The following CPED1 variants were observed in gnomAD, a reference collection of about 807,000 sequenced individuals.
CPED1 encodes cadherin like and PC-esterase domain containing 1.
A neutral mutation model predicts 128.2 loss-of-function variants in CPED1; 114 were observed. The observed-to-expected ratio is 0.89, with a 90% confidence interval of 0.76 to 1.04. The LOEUF is 1.04. Among genes scored for constraint, CPED1 ranks in the 50% least tolerant of loss-of-function variants. The pLI is 0.00. For synonymous variants in CPED1, 462 were observed against 426.7 expected (o/e 1.08, Z -1.02); for missense variants, 1,211 against 1,207.1 (o/e 1.00, Z -0.05).
chr7:121,145,332 A>G (rs1039656610), intron 16 of CPED1, among the ~76,000 whole-genome samples: 1 of 152,100 alleles, frequency 6.6e-6, no homozygotes, highest in Admixed American at 6.6e-5. Context: ...TTACTGTAAT[A>G]TCAAGAAAAG....
In CPED1 at chr7:121,044,648, C is replaced by CTTTTTTTTTTTTTTTTTT. The variant is rs35159862; in HGVS notation, c.434-2238_434-2237insTTTTTTTTTTTTTTTTTT. Among the ~76,000 whole-genome samples, 28 of 69,516 alleles carry CTTTTTTTTTTTTTTTTTT rather than the reference C, an allele frequency of 4.0e-4. 6 individuals are homozygous for CTTTTTTTTTTTTTTTTTT. Among genetic ancestry groups the CTTTTTTTTTTTTTTTTTT allele is most frequent in the South Asian group, 6.2e-4 (1 of 1,616 alleles). 45.6% of individuals were successfully genotyped at this position (69,516 alleles called of 152,430 possible). A position where few individuals can be genotyped will look rare whatever the true frequency, so the allele number is the denominator to read the frequency against. ...GATTGCTGAGAGCAGTGACTTTCTG[C>CTTTTTTTTTTTTTTTTTT]TCTTTTTTTTTTTTTTTTTTTGCTA... is the stretch of plus-strand genomic sequence containing the variant. On this transcript the variant is annotated intron_variant, in intron 3 of 22. Coordinates refer to ENST00000310396, the MANE Select transcript of CPED1 (RefSeq NM_024913.5).
At position 121,295,659 on chromosome 7, in the gene CPED1, T is replaced by C. The variant is rs1482408297; in HGVS notation, c.*7T>C. The C allele has an allele frequency of 3.7e-6, 6 of 1,611,708 alleles. No homozygotes were observed. The highest frequency in any genetic ancestry group is 3.4e-6 in the Non-Finnish European group (4 of 1,178,224). The stretch of plus-strand genomic sequence containing the variant: ...AAATAAAAGGACTATGTAGGCTCCC[T>C]GCAGGAGAGCTGAATCTGGAGCTGG... On this transcript the variant is annotated 3_prime_UTR_variant, in exon 23 of 23. Transcript: ENST00000310396.
At position 121,174,137 on chromosome 7, in the gene CPED1, A is replaced by T. The variant is rs1796719928; in HGVS notation, c.2055+31996A>T. Among the ~76,000 whole-genome samples, 3 of 152,158 alleles carry T rather than the reference A, an allele frequency of 2.0e-5. No homozygotes were observed. In the South Asian group the frequency reaches 6.2e-4, roughly 32 times the overall value. ...TGGATATTAGACCTTTGTCAGATGC[A>T]TGGTTTGCAAATATTTTCTCCCATT... is the stretch of plus-strand genomic sequence containing the variant. On this transcript the variant is annotated intron_variant, in intron 16 of 22. Coordinates refer to ENST00000310396, the MANE Select transcript of CPED1 (RefSeq NM_024913.5).
At chr7:121,042,224 A>G (rs1378479748) in intron 3 of CPED1, among the ~76,000 whole-genome samples, 1 of 152,164 alleles carries the variant, frequency 6.6e-6, no homozygotes, top group Non-Finnish European at 1.5e-5. Context: ...CCTGCGAGGT[A>G]AGTACTAGCT....
At chr7:121,281,401 G>A (rs931479609) in intron 22 of CPED1, among the ~76,000 whole-genome samples, 4 of 152,144 alleles carry the variant, frequency 2.6e-5, no homozygotes, top group East Asian at 1.9e-4. Flanking sequence ...TTTTTTGTTC[G>A]TTTGGGAAGT....
At chr7:121,080,585 T>C (rs1794260102) in intron 5 of CPED1, among the ~76,000 whole-genome samples, 1 of 152,188 alleles carries the variant, frequency 6.6e-6, no homozygotes, top group East Asian at 1.9e-4. Flanking sequence ...AGTTCGCTGC[T>C]GAGGTGGAGA....
At chr7:121,129,286 T>TGTATATATATATATACAC (rs1563037393) in intron 11 of CPED1, among the ~76,000 whole-genome samples, 5 of 76,598 alleles carry the variant, frequency 6.5e-5, no homozygotes, top group African/African-American at 2.8e-4. Flanking sequence ...TGTGTATATA[T>TGTATATATATATATACAC]GTATATATAT....
chr7:121,107,764 T>C (rs1426257889), intron 7 of CPED1, among the ~76,000 whole-genome samples: 1 of 152,146 alleles, frequency 6.6e-6, no homozygotes, highest in Non-Finnish European at 1.5e-5. Flanking sequence ...GTTTTGAAAC[T>C]TATTAAATGT....
At chr7:121,044,648 C>CTTTTTTTTTTGTTTTTTTTTTT (rs35159862) in intron 3 of CPED1, among the ~76,000 whole-genome samples, 1 of 69,540 alleles carries the variant, frequency 1.4e-5, no homozygotes, top group African/African-American at 5.1e-5. Flanking sequence ...TGACTTTCTG[C>CTTTTTTTTTTGTTTTTTTTTTT]TCTTTTTTTT....
At chr7:121,120,990 A>AC (rs1795371570) in intron 7 of CPED1, among the ~76,000 whole-genome samples, 3 of 150,520 alleles carry the variant, frequency 2.0e-5, no homozygotes, top group African/African-American at 7.4e-5. Flanking sequence ...AAAAAAAACA[A>AC]AAAAACTCAC....
intron 22 of CPED1, among the ~76,000 whole-genome samples, chr7:121,280,142 G>C (rs905638162): frequency 6.6e-6 from 1 of 152,130 alleles, no homozygotes; most frequent in African/African-American, 2.4e-5. Context: ...GTGTGTTAAC[G>C]TCCAATAGAT....
chr7:121,060,364 C>G (rs568505646), intron 4 of CPED1, among the ~76,000 whole-genome samples: 1 of 152,240 alleles, frequency 6.6e-6, no homozygotes, highest in African/African-American at 2.4e-5. Context: ...CTGCAGCCCC[C>G]GGTGCGGGAT....
intron 3 of CPED1, among the ~76,000 whole-genome samples, chr7:121,016,806 A>G (rs956866920): frequency 1.2e-4 from 19 of 152,216 alleles, no homozygotes; most frequent in Admixed American, 1.2e-3. Flanking sequence ...TGATTGTACA[A>G]TATATCTATT....
intron 4 of CPED1, among the ~76,000 whole-genome samples, chr7:121,047,248 C>A (rs1377995350): frequency 6.6e-6 from 1 of 152,200 alleles, no homozygotes; most frequent in Non-Finnish European, 1.5e-5. Context: ...TAGAAGTCTG[C>A]AGCCTATGAA....
At chr7:121,039,268 G>A (rs772083606) in intron 3 of CPED1, among the ~76,000 whole-genome samples, 2 of 151,810 alleles carry the variant, frequency 1.3e-5, no homozygotes, top group African/African-American at 4.8e-5. Context: ...TTATTTAATT[G>A]CCCAGATTGC....
chr7:121,008,069 C>A (rs1287492405), intron 2 of CPED1, among the ~76,000 whole-genome samples: 1 of 151,922 alleles, frequency 6.6e-6, no homozygotes, highest in Non-Finnish European at 1.5e-5. Context: ...TACTGCGATT[C>A]AGGTAGTAAA....
chr7:121,187,039 G>C (rs1325663977), intron 16 of CPED1, among the ~76,000 whole-genome samples: 1 of 152,150 alleles, frequency 6.6e-6, no homozygotes, highest in African/African-American at 2.4e-5. Context: ...GCAATTTTCT[G>C]GGGTACAGTG....
intron 5 of CPED1, among the ~76,000 whole-genome samples, chr7:121,074,306 C>T (rs1033432752): frequency 3.9e-5 from 6 of 152,084 alleles, no homozygotes; most frequent in South Asian, 4.1e-4. Context: ...AAAAGGGGCT[C>T]TTGTCCAGGC....
intron 16 of CPED1, among the ~76,000 whole-genome samples, chr7:121,228,360 CA>C (rs1798063041): frequency 6.6e-6 from 1 of 151,782 alleles, no homozygotes; most frequent in Non-Finnish European, 1.5e-5. Context: ...AGAAGACATA[CA>C]AATCGCCAAT....
Sources: gnomAD v4.1 joint callset for allele counts (sites outside exome capture counted in the v4.1 genomes callset) on GRCh38, gnomAD v4.1.1 for gene constraint, MANE v1.5 for transcripts, NCBI Gene and HGNC (gene_info 2026-07-23, HGNC 2026-07-21) for gene names.